The following CDH8 variants were observed in gnomAD, a reference collection of about 807,000 sequenced individuals.
CDH8 encodes cadherin 8, also known as cadherin-8.
A neutral mutation model predicts 68.1 loss-of-function variants in CDH8; 17 were observed. The ratio of observed to expected loss-of-function variants is 0.25; its 90% CI spans 0.17 to 0.37. The LOEUF (loss-of-function observed/expected upper bound fraction) is 0.37, where lower values mean the gene tolerates loss of function less well. Among genes scored for constraint, CDH8 ranks in the 10% least tolerant of loss-of-function variants. CDH8 has a pLI of 1.00. For missense variants in CDH8, 763 were observed against 999.3 expected, an observed-to-expected ratio of 0.76 and a Z score of 3.19; for synonymous variants, 372 against 365.1, an observed-to-expected ratio of 1.02 and a Z score of -0.21.
At chr16:62,025,492 G>T (rs929302311) in intron 1 of CDH8, among the ~76,000 whole-genome samples, 4 of 152,080 alleles carry the variant, frequency 2.6e-5, no homozygotes, top group African/African-American at 9.7e-5. Context: ...GTTTCTAGGG[G>T]TGAGATGGCC....
intron 10 of CDH8, among the ~76,000 whole-genome samples, chr16:61,669,895 CT>C (rs1220404908): frequency 6.6e-6 from 1 of 152,052 alleles, no homozygotes; most frequent in Non-Finnish European, 1.5e-5. Flanking sequence ...TCTCTAACCT[CT>C]TTACAAACTG....
intron 2 of CDH8, among the ~76,000 whole-genome samples, chr16:61,981,036 T>G (rs1257830591): frequency 6.6e-6 from 1 of 152,044 alleles, no homozygotes; most frequent in East Asian, 1.9e-4. Flanking sequence ...AAAAATTACA[T>G]CAAACAATTT....
intron 2 of CDH8, among the ~76,000 whole-genome samples, chr16:61,959,727 C>T (rs912964505): frequency 1.5e-5 from 2 of 129,178 alleles, no homozygotes; most frequent in African/African-American, 3.1e-5. Context: ...CATATATATA[C>T]ACACACATAT....
chr16:61,927,138 C>T (rs1964468453), intron 2 of CDH8, among the ~76,000 whole-genome samples: 1 of 152,156 alleles, frequency 6.6e-6, no homozygotes, highest in South Asian at 2.1e-4. Context: ...TCCTCAACCC[C>T]AATCCCAGCT....
intron 10 of CDH8, among the ~76,000 whole-genome samples, chr16:61,666,937 A>C (rs1442062769): frequency 2.0e-5 from 3 of 152,004 alleles, no homozygotes; most frequent in Admixed American, 6.6e-5. Flanking sequence ...TAGCATCCAC[A>C]CTTCATTTAT....
chr16:61,766,797 C>T (rs547677801), intron 8 of CDH8, among the ~76,000 whole-genome samples: 24 of 151,878 alleles, frequency 1.6e-4, no homozygotes, highest in South Asian at 4.1e-4. Context: ...ATCTATTCAT[C>T]GTAATATTAT....
At chr16:61,918,453 T>A (rs1964286580) in intron 2 of CDH8, 1 of 153,056 alleles carries the variant, frequency 6.5e-6, no homozygotes, top group Admixed American at 6.5e-5. Flanking sequence ...GGTCAGTGGG[T>A]GCGCGCACCA....
chr16:61,649,597 G>A lies in CDH8; in HGVS notation c.*4011C>T, dbSNP rs1047329465. The A allele has an allele frequency of 6.6e-6, 1 of 151,922 alleles. No individual in the cohort carries two copies. The highest frequency in any genetic ancestry group is 1.5e-5 in the Non-Finnish European group (1 of 67,978). The allele number at this position is 151,922 out of a possible 1,614,324, so 9.4% of individuals were successfully genotyped here. On this transcript the variant is annotated 3_prime_UTR_variant, in exon 12 of 12. Coordinates refer to ENST00000577390, the MANE Select transcript of CDH8 (RefSeq NM_001796.5). ...ATGCTCAGCCTTTCCGACAGTGCCAGTGATGGGATTTTTTTGAAATCTTAT... is the reference window on the plus strand; with the variant it reads ...ATGCTCAGCCTTTCCGACAGTGCCAATGATGGGATTTTTTTGAAATCTTAT...
chr16:61,826,220 A>G (rs1191811391), intron 4 of CDH8, among the ~76,000 whole-genome samples: 1 of 151,880 alleles, frequency 6.6e-6, no homozygotes, highest in Non-Finnish European at 1.5e-5. Flanking sequence ...TTGTCACTGC[A>G]TAGAAGTTCA....
intron 2 of CDH8, among the ~76,000 whole-genome samples, chr16:61,922,497 AC>A (rs1964385759): frequency 6.6e-6 from 1 of 152,212 alleles, no homozygotes; most frequent in Non-Finnish European, 1.5e-5. Context: ...TATTTTATAT[AC>A]CATTTTGCAT....
chr16:61,659,809 G>A (rs1197915965), intron 10 of CDH8, among the ~76,000 whole-genome samples: 1 of 152,178 alleles, frequency 6.6e-6, no homozygotes, highest in African/African-American at 2.4e-5. Context: ...TGGAAAGAGA[G>A]AGCCTCTGGA....
intron 7 of CDH8, among the ~76,000 whole-genome samples, chr16:61,812,625 A>C (rs940791841): frequency 3.3e-5 from 5 of 152,232 alleles, no homozygotes; most frequent in Admixed American, 2.6e-4. Context: ...ACATGAAAGA[A>C]CTGACTTATT....
At chr16:61,970,238 T>G (rs1034011248) in intron 2 of CDH8, among the ~76,000 whole-genome samples, 7 of 152,206 alleles carry the variant, frequency 4.6e-5, no homozygotes, top group African/African-American at 1.7e-4. Flanking sequence ...ATTAGCCATG[T>G]GATTTAGAAA....
At chr16:61,747,832 A>G (rs1358637020) in intron 8 of CDH8, among the ~76,000 whole-genome samples, 4 of 152,068 alleles carry the variant, frequency 2.6e-5, no homozygotes, top group Admixed American at 6.6e-5. Flanking sequence ...GCTAAGTTCA[A>G]TTGTCAACCT....
At chr16:61,856,673 C>T (rs371463519) in intron 4 of CDH8, among the ~76,000 whole-genome samples, 1 of 152,066 alleles carries the variant, frequency 6.6e-6, no homozygotes, top group African/African-American at 2.4e-5. Context: ...TACCACATGA[C>T]GTGCACTGTG....
chr16:61,697,922 T>C (rs1299467525), intron 10 of CDH8, among the ~76,000 whole-genome samples: 2 of 152,348 alleles, frequency 1.3e-5, no homozygotes, highest in Non-Finnish European at 1.5e-5. Flanking sequence ...GCAACGTGCT[T>C]GAGGCAGCTG....
At chr16:62,000,296 T>C (rs1965874001) in intron 2 of CDH8, among the ~76,000 whole-genome samples, 1 of 152,218 alleles carries the variant, frequency 6.6e-6, no homozygotes. Context: ...GAATGATTTA[T>C]AATCCTTTGG....
chr16:61,681,315 A>G (rs1964008653), intron 10 of CDH8, among the ~76,000 whole-genome samples: 1 of 151,906 alleles, frequency 6.6e-6, no homozygotes, highest in African/African-American at 2.4e-5. Flanking sequence ...AACATAGCCT[A>G]TCCACACAAT....
At chr16:61,702,331 C>T (rs1169503675) in intron 10 of CDH8, among the ~76,000 whole-genome samples, 1 of 151,494 alleles carries the variant, frequency 6.6e-6, no homozygotes, top group Non-Finnish European at 1.5e-5. Context: ...GAGATTGCGC[C>T]ACTGCACTCC....
Sources: gnomAD v4.1 joint callset for allele counts (sites outside exome capture counted in the v4.1 genomes callset) on GRCh38, gnomAD v4.1.1 for gene constraint, MANE v1.5 for transcripts, NCBI Gene and HGNC (gene_info 2026-07-23, HGNC 2026-07-21) for gene names.